DPF3: variants seen among roughly 807,000 people sequenced by gnomAD.
DPF3 encodes zinc finger protein DPF3.
Under a neutral mutation model 56.8 loss-of-function variants are expected in DPF3, and 18 were observed. The ratio of observed to expected loss-of-function variants is 0.32; its 90% CI spans 0.22 to 0.47. The LOEUF is 0.47. Among genes scored for constraint, DPF3 ranks in the 20% least tolerant of loss-of-function variants. DPF3 has a pLI of 1.00. For missense variants in DPF3, 403 were observed against 488.8 expected (o/e 0.82, Z 1.65); for synonymous variants, 188 against 180.2 (o/e 1.04, Z -0.35).
intron 1 of DPF3, among the ~76,000 whole-genome samples, chr14:72,852,007 A>T (rs572775167): frequency 1.6e-4 from 24 of 152,378 alleles, no homozygotes; most frequent in African/African-American, 4.8e-4. Flanking sequence ...CAAGAAGAAC[A>T]TTATCCCTTT....
At chr14:72,820,436 T>G (rs1162911986) in intron 1 of DPF3, among the ~76,000 whole-genome samples, 1 of 152,212 alleles carries the variant, frequency 6.6e-6, no homozygotes, top group Non-Finnish European at 1.5e-5. Flanking sequence ...TTTTTTGTTT[T>G]TGTTTTTTGC....
intron 1 of DPF3, among the ~76,000 whole-genome samples, chr14:72,861,737 G>GAGAAAGAAAGACAA (rs1436291759): frequency 1.2e-5 from 1 of 84,536 alleles, no homozygotes. Context: ...AAGAAAGAAA[G>GAGAAAGAAAGACAA]AGAAAGAAAG....
At chr14:72,626,404 C>T (rs1884831701) in intron 9 of DPF3, among the ~76,000 whole-genome samples, 1 of 152,070 alleles carries the variant, frequency 6.6e-6, no homozygotes, top group African/African-American at 2.4e-5. Context: ...TTTCTTATGT[C>T]TCTTTTTTCT....
chr14:72,799,866 A>G (rs1370612720), intron 1 of DPF3, among the ~76,000 whole-genome samples: 1 of 152,164 alleles, frequency 6.6e-6, no homozygotes. Context: ...AAGGATGCCA[A>G]TGTAAAGAAA....
rs143434829 is a variant in DPF3, at chr14:72,612,993, C to CATGT, written c.*6303_*6304insACAT. 6.7e-6 allele frequency among the ~76,000 whole-genome samples: 1 copy of CATGT among 148,852 alleles called. No individual in the cohort carries two copies. The highest frequency in any genetic ancestry group is 2.0e-4 in the East Asian group (1 of 4,950). ...TTTCCCTTTGGTTCATTAAGTAGGG[C>CATGT]GTGTGTGTGTGTGTGTGTGTGTGTG... On this transcript the variant is annotated 3_prime_UTR_variant, in exon 11 of 11. Coordinates refer to ENST00000556509, the MANE Select transcript of DPF3 (RefSeq NM_001280542.3).
intron 2 of DPF3, among the ~76,000 whole-genome samples, chr14:72,768,261 T>TA (rs1891373409): frequency 6.6e-6 from 1 of 152,332 alleles, no homozygotes; most frequent in African/African-American, 2.4e-5. Flanking sequence ...ACGCTTCTCT[T>TA]ACGTTTTCTA....
chr14:72,791,067 C>G (rs1892409470), intron 1 of DPF3, among the ~76,000 whole-genome samples: 1 of 152,276 alleles, frequency 6.6e-6, no homozygotes, highest in South Asian at 2.1e-4. Flanking sequence ...CACTGAAGGT[C>G]ACAGCTCCTG....
At chr14:72,780,243 T>C (rs568726051) in intron 1 of DPF3, among the ~76,000 whole-genome samples, 5 of 152,342 alleles carry the variant, frequency 3.3e-5, no homozygotes, top group African/African-American at 9.6e-5. Flanking sequence ...GGCTGAAAAC[T>C]TGCTTCTTCC....
At chr14:72,795,291 A>AT (rs1158510213) in intron 1 of DPF3, among the ~76,000 whole-genome samples, 1,502 of 122,154 alleles carry the variant, frequency 0.012, 9 homozygotes, top group South Asian at 0.019. Context: ...AAAAAAAAAA[A>AT]AAAAATATAT....
intron 1 of DPF3, among the ~76,000 whole-genome samples, chr14:72,891,644 A>G (rs112214567): frequency 6.6e-6 from 1 of 152,164 alleles, no homozygotes; most frequent in African/African-American, 2.4e-5. Flanking sequence ...CCCTCTCCCA[A>G]TAACAACGTG....
At chr14:72,698,033 T>C (rs1359288351) in intron 6 of DPF3, among the ~76,000 whole-genome samples, 1 of 152,130 alleles carries the variant, frequency 6.6e-6, no homozygotes, top group Non-Finnish European at 1.5e-5. Context: ...AATGTCCCCA[T>C]CCCCAATTTG....
chr14:72,714,296 G>A (rs1389107183), intron 6 of DPF3, 127 bp downstream of exon 6: 2 of 1,193,254 alleles, frequency 1.7e-6, no homozygotes, highest in Non-Finnish European at 2.4e-6. Flanking sequence ...GTAAGCTGGG[G>A]TGCAGACAGA....
chr14:72,709,388 G>C (rs758556275), intron 6 of DPF3, among the ~76,000 whole-genome samples: 4 of 152,134 alleles, frequency 2.6e-5, no homozygotes, highest in Non-Finnish European at 5.9e-5. Context: ...TAGTTGGGGG[G>C]CAGTGATTTT....
At chr14:72,632,436 G>A (rs768267818) in intron 8 of DPF3, among the ~76,000 whole-genome samples, 35 of 152,170 alleles carry the variant, frequency 2.3e-4, no homozygotes, top group Middle Eastern at 3.4e-3. Context: ...CGAGCTCAAG[G>A]ACTTTTTGTA....
intron 5 of DPF3, among the ~76,000 whole-genome samples, chr14:72,716,872 ACC>A (rs1249634011): frequency 6.6e-6 from 1 of 151,982 alleles, no homozygotes; most frequent in East Asian, 1.9e-4. Context: ...TCATCGACTG[ACC>A]CCTGAGCTGT....
chr14:72,643,857 C>T (rs2153567985), intron 8 of DPF3, among the ~76,000 whole-genome samples: 1 of 152,326 alleles, frequency 6.6e-6, no homozygotes, highest in South Asian at 2.1e-4. Context: ...CAAAAGAGCA[C>T]ACAGGAAGGA....
At chr14:72,872,201 C>T (rs1157637375) in intron 1 of DPF3, among the ~76,000 whole-genome samples, 1 of 151,942 alleles carries the variant, frequency 6.6e-6, no homozygotes, top group African/African-American at 2.4e-5. Context: ...AGGCTGCACA[C>T]AGCATGGAGA....
At chr14:72,655,398 C>T (rs1599331259) in intron 8 of DPF3, among the ~76,000 whole-genome samples, 1 of 152,252 alleles carries the variant, frequency 6.6e-6, no homozygotes, top group South Asian at 2.1e-4. Context: ...GGTCATTCAA[C>T]CAAAATCATG....
intron 2 of DPF3, among the ~76,000 whole-genome samples, chr14:72,753,690 G>A (rs1458808609): frequency 2.0e-4 from 30 of 152,120 alleles, no homozygotes; most frequent in Admixed American, 2.0e-3. Flanking sequence ...GACCTTTGCA[G>A]TGTCTCCAAA....
Sources: gnomAD v4.1 joint callset for allele counts (sites outside exome capture counted in the v4.1 genomes callset) on GRCh38, gnomAD v4.1.1 for gene constraint, MANE v1.5 for transcripts, NCBI Gene and HGNC (gene_info 2026-07-23, HGNC 2026-07-21) for gene names.